RBFOX1: variants seen among roughly 807,000 people sequenced by gnomAD.
The protein encoded by RBFOX1 is RNA binding protein fox-1 homolog 1.
A neutral mutation model predicts 57.7 loss-of-function variants in RBFOX1; 8 were observed. That is an observed-to-expected ratio of 0.14 (90% CI 0.08 to 0.25). RBFOX1 has a LOEUF of 0.25. RBFOX1 is among the 10% of genes least tolerant of loss of function. RBFOX1 has a pLI of 1.00. For synonymous variants in RBFOX1, 326 were observed against 222.4 expected, an observed-to-expected ratio of 1.47 and a Z score of -4.15; for missense variants, 611 against 548.5, an observed-to-expected ratio of 1.11 and a Z score of -1.14.
chr16:6,882,151 G>C (rs535728315), intron 3 of RBFOX1, among the ~76,000 whole-genome samples: 2 of 152,108 alleles, frequency 1.3e-5, no homozygotes, highest in African/African-American at 2.4e-5. Flanking sequence ...GGTCTTAGAT[G>C]CCTCATTAAT....
intron 3 of RBFOX1, among the ~76,000 whole-genome samples, chr16:6,871,911 CTGTG>C (rs57684251): frequency 0.15 from 19,618 of 129,432 alleles, 1,450 homozygotes; most frequent in Non-Finnish European, 0.17. Context: ...GGGAGAGAGT[CTGTG>C]TGTGTGTGTG....
intron 1 of RBFOX1, among the ~76,000 whole-genome samples, chr16:5,361,105 A>G (rs1029700307): frequency 6.6e-6 from 1 of 152,228 alleles, no homozygotes; most frequent in Non-Finnish European, 1.5e-5. Flanking sequence ...AATCTCTGCA[A>G]TAATCCTGTG....
At chr16:7,660,022 A>G (rs2067303780) in intron 12 of RBFOX1, among the ~76,000 whole-genome samples, 1 of 152,052 alleles carries the variant, frequency 6.6e-6, no homozygotes, top group South Asian at 2.1e-4. Context: ...TAAAAAGTTT[A>G]TTTTCTAGTT....
At chr16:6,967,924 T>C (rs1361279035) in intron 3 of RBFOX1, among the ~76,000 whole-genome samples, 1 of 152,244 alleles carries the variant, frequency 6.6e-6, no homozygotes, top group East Asian at 1.9e-4. Flanking sequence ...CCACCAACTG[T>C]TCAGCTGCCC....
chr16:7,273,878 C>T (rs1259530289), intron 4 of RBFOX1, among the ~76,000 whole-genome samples: 1 of 152,148 alleles, frequency 6.6e-6, no homozygotes, highest in African/African-American at 2.4e-5. Flanking sequence ...ATCTGCCATA[C>T]GTAAATGTAT....
At chr16:6,334,805 G>T (rs2083436675) in intron 2 of RBFOX1, among the ~76,000 whole-genome samples, 1 of 152,146 alleles carries the variant, frequency 6.6e-6, no homozygotes, top group Non-Finnish European at 1.5e-5. Flanking sequence ...AAGGGGAGGT[G>T]GCAGGTAACA....
chr16:6,767,914 C>CAATAATGATAAT (rs2077570557), intron 3 of RBFOX1, among the ~76,000 whole-genome samples: 1 of 118,026 alleles, frequency 8.5e-6, no homozygotes. Context: ...GACTCTATCT[C>CAATAATGATAAT]AATAATAATA....
chr16:6,076,309 AAAC>A lies in RBFOX1; in HGVS notation c.-127+56323_-127+56325del, dbSNP rs575893782. 4.0e-5 allele frequency among the ~76,000 whole-genome samples: 6 copies of A among 151,754 alleles called. No individual in the cohort carries two copies. In the South Asian group the frequency reaches 8.3e-4, roughly 21 times the overall value. On this transcript the variant is annotated intron_variant, in intron 1 of 15. Transcript: ENST00000550418. ...AGCAAAACTCTGTCTCAAAAAAAAA[AAAC>A]AACAAACGCACAAACACACGCGCAC...
In RBFOX1 at chr16:5,829,569, A is replaced by G. The variant is rs112101964; in HGVS notation, c.319-37734A>G. Among the ~76,000 whole-genome samples, 202 of 151,958 alleles carry G rather than the reference A, an allele frequency of 1.3e-3. 1 individual carries two copies. The highest frequency in any genetic ancestry group is 4.5e-3 in the African/African-American group (187 of 41,420). On this transcript the variant is annotated intron_variant, in intron 3 of 19. Transcript: ENST00000641259. ...ATGAGGATTCTGGTGGCCCTCTTCT[A>G]CCTCCTCCAACATCCCCCTCCATCC...
intron 4 of RBFOX1, among the ~76,000 whole-genome samples, chr16:7,315,424 A>C (rs920576294): frequency 1.3e-5 from 2 of 151,164 alleles, no homozygotes; most frequent in Admixed American, 1.3e-4. Flanking sequence ...GAATAAATGC[A>C]AAGACAAATG....
At chr16:6,984,552 A>G (rs1488095890) in intron 3 of RBFOX1, among the ~76,000 whole-genome samples, 2 of 152,168 alleles carry the variant, frequency 1.3e-5, no homozygotes, top group African/African-American at 4.8e-5. Flanking sequence ...GCAGCAGCCC[A>G]TTGAGTTCCG....
chr16:6,386,061 C>G (rs1017449304), intron 2 of RBFOX1, among the ~76,000 whole-genome samples: 4 of 151,974 alleles, frequency 2.6e-5, no homozygotes, highest in African/African-American at 7.2e-5. Context: ...TCAGCCTCCC[C>G]AGTAGGTGGG....
chr16:6,075,822 T>A (rs2095891072), intron 1 of RBFOX1, among the ~76,000 whole-genome samples: 2 of 152,170 alleles, frequency 1.3e-5, no homozygotes, highest in Non-Finnish European at 2.9e-5. Context: ...CTATCTCAAA[T>A]CAAGACACAC....
intron 4 of RBFOX1, among the ~76,000 whole-genome samples, chr16:7,469,468 G>T (rs6500974): frequency 0.98 from 148,646 of 152,308 alleles, 72,549 homozygotes; most frequent in East Asian, 1. Context: ...ACAATGGCAC[G>T]CTTTTCTTGG....
At chr16:5,697,895 T>A (rs979246817) in intron 3 of RBFOX1, among the ~76,000 whole-genome samples, 3 of 152,200 alleles carry the variant, frequency 2.0e-5, no homozygotes, top group African/African-American at 7.2e-5. Flanking sequence ...ATAACCATAA[T>A]AGGTTAAGAA....
chr16:7,315,456 A>ACCCCCCC (rs34625153), intron 4 of RBFOX1, among the ~76,000 whole-genome samples: 5 of 123,832 alleles, frequency 4.0e-5, no homozygotes, highest in Non-Finnish European at 7.4e-5. Context: ...ACTCTACCCT[A>ACCCCCCC]CCCCCCCCCC....
intron 4 of RBFOX1, among the ~76,000 whole-genome samples, chr16:7,108,514 C>T (rs2064025375): frequency 6.6e-6 from 1 of 152,056 alleles, no homozygotes; most frequent in South Asian, 2.1e-4. Context: ...GGATATGTTT[C>T]TAGGTACTGA....
At chr16:7,685,455 C>T (rs908878733) in intron 14 of RBFOX1, among the ~76,000 whole-genome samples, 3 of 152,004 alleles carry the variant, frequency 2.0e-5, no homozygotes, top group Admixed American at 6.6e-5. Flanking sequence ...CATAGATTCA[C>T]GCTAATATAA....
At position 6,792,328 on chromosome 16, in the gene RBFOX1, C is replaced by T. The variant is rs147430532; in HGVS notation, c.-16+137678C>T. Among the ~76,000 whole-genome samples, 82 of 152,206 alleles carry T rather than the reference C, an allele frequency of 5.4e-4. No individual in the cohort carries two copies. In the East Asian group the frequency reaches 8.9e-3, roughly 16 times the overall value. On this transcript the variant is annotated intron_variant, in intron 3 of 15. Transcript: ENST00000550418. ...CGTTGCTCAGGATGATCCCTAAGGA[C>T]GCTTTCAAGTCCTTTCAGCATTTTA...
Sources: allele counts gnomAD v4.1 joint callset (sites outside exome capture counted in the v4.1 genomes callset), GRCh38; gene constraint gnomAD v4.1.1; transcripts MANE v1.5; gene names NCBI Gene and HGNC (gene_info 2026-07-23, HGNC 2026-07-21).